Variants in JAZF1 observed in about 807,000 individuals in gnomAD.
JAZF1 encodes JAZF zinc finger 1.
In JAZF1, 8 loss-of-function variants were observed where a neutral mutation model predicts 26.4. The ratio of observed to expected loss-of-function variants is 0.30; its 90% CI spans 0.18 to 0.55. The LOEUF is 0.55. JAZF1 is among the 20% of genes least tolerant of loss of function. The pLI is 0.94. For missense variants in JAZF1, 199 were observed against 322.0 expected (o/e 0.62, Z 2.92); for synonymous variants, 126 against 122.3 (o/e 1.03, Z -0.20).
intron 3 of JAZF1, among the ~76,000 whole-genome samples, chr7:27,849,621 A>T (rs571096068): frequency 1.4e-4 from 21 of 152,272 alleles, no homozygotes; most frequent in Middle Eastern, 3.4e-3. Context: ...GAAATGAGCA[A>T]AACGAAGGTA....
intron 1 of JAZF1, among the ~76,000 whole-genome samples, chr7:28,179,445 G>C (rs1783599416): frequency 6.6e-6 from 1 of 151,798 alleles, no homozygotes; most frequent in African/African-American, 2.4e-5. Flanking sequence ...TCCCGGGCCC[G>C]GGGCGCTGCG....
chr7:28,088,022 C>T, intron 1 of JAZF1, among the ~76,000 whole-genome samples: 1 of 152,130 alleles, frequency 6.6e-6, no homozygotes, highest in Admixed American at 6.5e-5. Context: ...CAGTGGATGT[C>T]TCCCTGCCAG....
At chr7:28,073,263 T>G (rs1784004406) in intron 1 of JAZF1, among the ~76,000 whole-genome samples, 1 of 152,230 alleles carries the variant, frequency 6.6e-6, no homozygotes, top group South Asian at 2.1e-4. Context: ...GCTGGAGACC[T>G]GGTCTCTGGG....
intron 1 of JAZF1, among the ~76,000 whole-genome samples, chr7:28,103,984 G>C (rs761528821): frequency 1.3e-5 from 2 of 152,062 alleles, no homozygotes; most frequent in Non-Finnish European, 2.9e-5. Context: ...TGCCCACCAC[G>C]ACCTTATCTC....
chr7:27,873,842 T>A (rs1387062953), intron 3 of JAZF1, among the ~76,000 whole-genome samples: 4 of 152,188 alleles, frequency 2.6e-5, no homozygotes, highest in Non-Finnish European at 5.9e-5. Flanking sequence ...AGAGAGTTGG[T>A]GGAACATTTC....
At chr7:28,144,360 G>A (rs530820531) in intron 1 of JAZF1, among the ~76,000 whole-genome samples, 8 of 152,216 alleles carry the variant, frequency 5.3e-5, no homozygotes, top group Non-Finnish European at 8.8e-5. Context: ...ACACTGCATC[G>A]AAAGAGAAAC....
intron 1 of JAZF1, among the ~76,000 whole-genome samples, chr7:28,038,374 C>G (rs1783330903): frequency 6.6e-6 from 1 of 151,976 alleles, no homozygotes. Flanking sequence ...CACTATAAAT[C>G]CAAAGTAGAC....
At chr7:27,907,625 C>T (rs976768836) in intron 2 of JAZF1, among the ~76,000 whole-genome samples, 1 of 152,050 alleles carries the variant, frequency 6.6e-6, no homozygotes, top group Non-Finnish European at 1.5e-5. Flanking sequence ...CAAGGGACTC[C>T]CGGGGAATCT....
chr7:28,038,603 C>G (rs1476135181), intron 1 of JAZF1, among the ~76,000 whole-genome samples: 1 of 151,938 alleles, frequency 6.6e-6, no homozygotes, highest in African/African-American at 2.4e-5. Context: ...AACTCTTGTT[C>G]CCAAGAATTA....
intron 1 of JAZF1, among the ~76,000 whole-genome samples, chr7:28,143,966 G>A (rs1311075757): frequency 6.6e-6 from 1 of 152,170 alleles, no homozygotes; most frequent in Non-Finnish European, 1.5e-5. Context: ...CCTAGAAGGT[G>A]CTCTGTAAAA....
rs79917194 is a variant in JAZF1, at chr7:28,134,863, C to T, written c.115+45600G>A. The stretch of plus-strand genomic sequence containing the variant: ...GGCTTTATGTATACACATATTCTCT[C>T]GCTTGGACTATAAGCTCCTTGAGGA... On this transcript the variant is annotated intron_variant, in intron 1 of 4. Transcript: ENST00000283928. 7.7e-3 allele frequency among the ~76,000 whole-genome samples: 1,170 copies of T among 152,234 alleles called. 5 individuals are homozygous for T. Among genetic ancestry groups the T allele is most frequent in the African/African-American group, 0.015 (626 of 41,534 alleles).
intron 1 of JAZF1, among the ~76,000 whole-genome samples, chr7:28,142,827 C>T (rs1425009184): frequency 6.6e-6 from 1 of 152,152 alleles, no homozygotes; most frequent in African/African-American, 2.4e-5. Context: ...ATTTCAGCAC[C>T]CTTTCCCCAA....
In JAZF1 at chr7:27,849,772, C is replaced by CACACACACAT. The variant is rs140580370; in HGVS notation, c.386-8906_386-8905insATGTGTGTGT. Among the ~76,000 whole-genome samples, 7 of 147,014 alleles carry CACACACACAT rather than the reference C, an allele frequency of 4.8e-5. 1 individual carries two copies. Among genetic ancestry groups the CACACACACAT allele is most frequent in the Non-Finnish European group, 7.4e-5 (5 of 67,170 alleles). On this transcript the variant is annotated intron_variant, in intron 3 of 4. Transcript: ENST00000283928. ...ACACAGACACACACACACACACACA[C>CACACACACAT]ACCCCTACACCTCTTCCCGGCCGCC...
chr7:28,155,779 C>CTG (rs371310104), intron 1 of JAZF1, among the ~76,000 whole-genome samples: 2 of 152,148 alleles, frequency 1.3e-5, no homozygotes, highest in Admixed American at 6.5e-5. Context: ...ATGTGTGTGT[C>CTG]TGTGTGTGTG....
At chr7:28,019,599 G>C (rs1375608086) in intron 1 of JAZF1, among the ~76,000 whole-genome samples, 1 of 151,890 alleles carries the variant, frequency 6.6e-6, no homozygotes, top group Non-Finnish European at 1.5e-5. Context: ...TTTATACTGA[G>C]CTGAATTTAC....
chr7:28,051,523 A>C (rs754720138), intron 1 of JAZF1, among the ~76,000 whole-genome samples: 1 of 152,080 alleles, frequency 6.6e-6, no homozygotes, highest in Non-Finnish European at 1.5e-5. Flanking sequence ...TGAGTATAAT[A>C]TTCTTACAAT....
chr7:28,054,488 C>G (rs903063115), intron 1 of JAZF1, among the ~76,000 whole-genome samples: 2 of 152,014 alleles, frequency 1.3e-5, no homozygotes, highest in Non-Finnish European at 2.9e-5. Flanking sequence ...AAACACTGAC[C>G]CTAGGGCCCT....
intron 1 of JAZF1, among the ~76,000 whole-genome samples, chr7:28,100,116 C>T (rs1784449636): frequency 6.6e-6 from 1 of 152,126 alleles, no homozygotes. Flanking sequence ...TCCACACTCC[C>T]AAATTTATTA....
chr7:27,927,396 C>G (rs1784618161), intron 2 of JAZF1, among the ~76,000 whole-genome samples: 1 of 152,344 alleles, frequency 6.6e-6, no homozygotes. Flanking sequence ...TGAATCCCAG[C>G]TTGATCATCT....
Sources: gnomAD v4.1 joint callset for allele counts (sites outside exome capture counted in the v4.1 genomes callset) on GRCh38, gnomAD v4.1.1 for gene constraint, MANE v1.5 for transcripts, NCBI Gene and HGNC (gene_info 2026-07-23, HGNC 2026-07-21) for gene names.